GCNT2: variants seen among roughly 807,000 people sequenced by gnomAD.
GCNT2 encodes the protein N-acetyllactosaminide beta-1,6-N-acetylglucosaminyl-transferase.
A neutral mutation model predicts 34.2 loss-of-function variants in GCNT2; 34 were observed. That is an observed-to-expected ratio of 1.00 (90% CI 0.76 to 1.32). The LOEUF (loss-of-function observed/expected upper bound fraction) is 1.32. Among genes scored for constraint, GCNT2 ranks in the 40% most tolerant of loss-of-function variants. The pLI is 0.00. For missense variants in GCNT2, 584 were observed against 489.4 expected, an observed-to-expected ratio of 1.19 and a Z score of -1.82; for synonymous variants, 212 against 188.0, an observed-to-expected ratio of 1.13 and a Z score of -1.04.
chr6:10,582,025 T>C (rs1431280274), intron 3 of GCNT2: 1 of 191,590 alleles, frequency 5.2e-6, no homozygotes, highest in Non-Finnish European at 9.2e-6. Context: ...TATGTATATA[T>C]CATATGTATT....
intron 3 of GCNT2, chr6:10,581,779 C>G (rs1764077841): frequency 1.0e-6 from 1 of 985,210 alleles, no homozygotes; most frequent in African/African-American, 1.7e-5. Context: ...CTTTGCCTCT[C>G]TTTTCTCACT....
At chr6:10,547,762 C>T (rs1762330486) in intron 3 of GCNT2, among the ~76,000 whole-genome samples, 1 of 152,114 alleles carries the variant, frequency 6.6e-6, no homozygotes, top group African/African-American at 2.4e-5. Context: ...AAAATTCATC[C>T]TTCTTCTGTG....
chr6:10,531,780 A>T (rs575780367), intron 3 of GCNT2, among the ~76,000 whole-genome samples: 1 of 151,740 alleles, frequency 6.6e-6, no homozygotes, highest in African/African-American at 2.4e-5. Context: ...AGTAGGATGT[A>T]GACTCTTCAG....
intron 3 of GCNT2, among the ~76,000 whole-genome samples, chr6:10,547,870 C>T (rs1002286952): frequency 6.6e-6 from 1 of 152,128 alleles, no homozygotes; most frequent in Non-Finnish European, 1.5e-5. Context: ...TATATTTATT[C>T]AATGGGTTAT....
intron 3 of GCNT2, chr6:10,581,817 G>C (rs1764079741): frequency 1.0e-6 from 1 of 984,976 alleles, no homozygotes; most frequent in Non-Finnish European, 1.2e-6. Flanking sequence ...TTCTCCACAA[G>C]ACCTGCCAAG....
chr6:10,555,979 A>C, intron 3 of GCNT2: 1 of 1,061,898 alleles, frequency 9.4e-7, no homozygotes, highest in Non-Finnish European at 1.1e-6. Context: ...CACGCCTGCC[A>C]GAGCTCATCA....
chr6:10,615,236 C>T (rs984153810), intron 3 of GCNT2, among the ~76,000 whole-genome samples: 1 of 152,176 alleles, frequency 6.6e-6, no homozygotes, highest in African/African-American at 2.4e-5. Flanking sequence ...GAGCTACTCA[C>T]ACTTGATCAC....
At chr6:10,578,502 A>G (rs1360084349) in intron 3 of GCNT2, among the ~76,000 whole-genome samples, 3 of 114,656 alleles carry the variant, frequency 2.6e-5, no homozygotes, top group African/African-American at 1.0e-4. Context: ...GCTGGAGTGT[A>G]GTGGCATGAT....
At chr6:10,570,706 G>C (rs968469216) in intron 3 of GCNT2, among the ~76,000 whole-genome samples, 61 of 152,128 alleles carry the variant, frequency 4.0e-4, no homozygotes, top group Non-Finnish European at 6.3e-4. Flanking sequence ...ACTGAAAAAG[G>C]CCCTCCTGCC....
chr6:10,593,696 T>C (rs1290471769), intron 3 of GCNT2, among the ~76,000 whole-genome samples: 1 of 152,190 alleles, frequency 6.6e-6, no homozygotes, highest in Admixed American at 6.5e-5. Context: ...CAATAAAATA[T>C]TAGTGGTATA....
At chr6:10,533,355 G>C (rs1372081387) in intron 3 of GCNT2, among the ~76,000 whole-genome samples, 1 of 152,192 alleles carries the variant, frequency 6.6e-6, no homozygotes, top group Non-Finnish European at 1.5e-5. Flanking sequence ...TCTCACAGCT[G>C]AAGTGGTCTC....
At chr6:10,614,872 A>T (rs1765699972) in intron 3 of GCNT2, among the ~76,000 whole-genome samples, 1 of 152,092 alleles carries the variant, frequency 6.6e-6, no homozygotes, top group Admixed American at 6.6e-5. Flanking sequence ...ATTGGTTGAG[A>T]GTCTCCTGGT....
chr6:10,598,523 C>T (rs1465231812), intron 3 of GCNT2, among the ~76,000 whole-genome samples: 1 of 152,222 alleles, frequency 6.6e-6, no homozygotes, highest in Admixed American at 6.5e-5. Context: ...ACCACCACTA[C>T]TGCTACAATG....
chr6:10,603,370 C>G (rs1001649927), intron 3 of GCNT2, among the ~76,000 whole-genome samples: 1 of 152,036 alleles, frequency 6.6e-6, no homozygotes, highest in Non-Finnish European at 1.5e-5. Flanking sequence ...GTATTTTCTT[C>G]CCTTTTTTTC....
chr6:10,589,659 G>T (rs1407656921), intron 3 of GCNT2, among the ~76,000 whole-genome samples: 1 of 152,028 alleles, frequency 6.6e-6, no homozygotes, highest in Non-Finnish European at 1.5e-5. Context: ...AGATTTGAAA[G>T]GTCCCAAATT....
At chr6:10,531,734 G>A (rs1761500159) in intron 3 of GCNT2, among the ~76,000 whole-genome samples, 1 of 152,078 alleles carries the variant, frequency 6.6e-6, no homozygotes, top group South Asian at 2.1e-4. Context: ...CCAGAGTAAG[G>A]GAAGTGAAAG....
rs67442555 is a variant in GCNT2, at chr6:10,532,914, C to CTTT, written c.925+3096_925+3098dup. Among the ~76,000 whole-genome samples the CTTT allele has an allele frequency of 8.3e-4, 71 of 85,392 alleles. 2 individuals carry two copies. The highest frequency in any genetic ancestry group is 2.6e-3 in the African/African-American group (57 of 21,752). 56.0% of individuals were successfully genotyped at this position (85,392 alleles called of 152,430 possible). On this transcript the variant is annotated intron_variant, in intron 3 of 4. Transcript: ENST00000495262. ...TGATGTGTATATGTTGTGGTTTTTG[C>CTTT]TTTTTTTTTTTTTTTTTTTTGGCAG...
At chr6:10,556,759 C>T in intron 3 of GCNT2, 1 of 1,614,074 alleles carries the variant, frequency 6.2e-7, no homozygotes, top group Non-Finnish European at 8.5e-7. Context: ...CAAGGCTCTT[C>T]AGGGCTATTT....
rs538123725 is a variant in GCNT2, at chr6:10,617,354, C to G, written c.926-3997C>G. On this transcript the variant is annotated intron_variant, in intron 3 of 4. Transcript: ENST00000495262. ...CACGCCCACCCGGAACTCACGCTGGCCGGCAAGCGCTGCGCGCAGCCCTGG... is the reference window on the plus strand; with the variant it reads ...CACGCCCACCCGGAACTCACGCTGGGCGGCAAGCGCTGCGCGCAGCCCTGG... Among the ~76,000 whole-genome samples, 12 of 152,328 alleles carry G rather than the reference C, an allele frequency of 7.9e-5. No homozygotes were observed. In the South Asian group the frequency reaches 2.5e-3, roughly 32 times the overall value.
Sources: allele counts gnomAD v4.1 joint callset (sites outside exome capture counted in the v4.1 genomes callset), GRCh38; gene constraint gnomAD v4.1.1; transcripts MANE v1.5; gene names NCBI Gene and HGNC (gene_info 2026-07-23, HGNC 2026-07-21).